Variants in MAD1L1 observed in about 807,000 individuals in gnomAD.
MAD1L1 encodes mitotic arrest deficient 1 like 1.
MAD1L1 carries 95 observed loss-of-function variants against 96.9 expected under a neutral mutation model. The ratio of observed to expected loss-of-function variants is 0.98; its 90% CI spans 0.83 to 1.16. The LOEUF (loss-of-function observed/expected upper bound fraction) is 1.16. Ranked by LOEUF, MAD1L1 falls within the 50% of genes most tolerant of loss-of-function variation. The probability of loss-of-function intolerance (pLI) is 0.00; values close to 1 mark genes in which losing one functional copy is unlikely to be tolerated. For synonymous variants in MAD1L1, 473 were observed against 396.6 expected (o/e 1.19, Z -2.29); for missense variants, 1,007 against 954.4 (o/e 1.06, Z -0.73).
chr7:1,859,222 C>T (rs1399382576), intron 18 of MAD1L1, among the ~76,000 whole-genome samples: 1 of 152,190 alleles, frequency 6.6e-6, no homozygotes, highest in East Asian at 1.9e-4. Flanking sequence ...AGAGCCACTT[C>T]CCAGAACGCT....
chr7:2,069,185 A>G lies in MAD1L1; in HGVS notation c.1218+9T>C. On this transcript the variant is annotated intron_variant, in intron 12 of 18. Transcript: ENST00000265854. ...GCGACTCTGATCAAGATGTAAGGGCATACATCACCTTGGTGAGCAGCAGGA... is the reference window on the plus strand; with the variant it reads ...GCGACTCTGATCAAGATGTAAGGGCGTACATCACCTTGGTGAGCAGCAGGA... 6.3e-7 allele frequency: 1 copy of G among 1,581,048 alleles called. No homozygotes were observed. Among genetic ancestry groups the G allele is most frequent in the Non-Finnish European group, 8.6e-7 (1 of 1,164,332 alleles).
chr7:2,051,073 A>T (rs974269166), intron 12 of MAD1L1, among the ~76,000 whole-genome samples: 4 of 152,226 alleles, frequency 2.6e-5, no homozygotes, highest in Non-Finnish European at 5.9e-5. Flanking sequence ...TCTCTACCAA[A>T]CAGGATAGGG....
intron 11 of MAD1L1, among the ~76,000 whole-genome samples, chr7:2,115,546 A>C (rs552536982): frequency 1.3e-5 from 2 of 148,256 alleles, no homozygotes; most frequent in African/African-American, 5.0e-5. Flanking sequence ...GGGTCAGAGG[A>C]GGCGCTGGAC....
At chr7:1,927,563 A>T (rs1789161721) in intron 17 of MAD1L1, among the ~76,000 whole-genome samples, 1 of 152,220 alleles carries the variant, frequency 6.6e-6, no homozygotes, top group Admixed American at 6.5e-5. Context: ...TTTTGGACAA[A>T]GGTGCAAACA....
chr7:1,878,170 G>T (rs4639400), intron 18 of MAD1L1, among the ~76,000 whole-genome samples: 102,818 of 151,852 alleles, frequency 0.68, 35,157 homozygotes, highest in African/African-American at 0.78. Context: ...TAAATTAAAT[G>T]CATAATTTAA....
intron 18 of MAD1L1, among the ~76,000 whole-genome samples, chr7:1,897,332 A>C (rs567666648): frequency 6.6e-6 from 1 of 152,360 alleles, no homozygotes; most frequent in South Asian, 2.1e-4. Flanking sequence ...AGACCACAGC[A>C]GTCCCAGGTG....
intron 12 of MAD1L1, among the ~76,000 whole-genome samples, chr7:2,061,746 T>A (rs545501127): frequency 6.6e-6 from 1 of 152,252 alleles, no homozygotes; most frequent in Non-Finnish European, 1.5e-5. Context: ...ACCCCCATGC[T>A]GGAAACCATC....
intron 14 of MAD1L1, among the ~76,000 whole-genome samples, chr7:1,993,397 C>T (rs529815428): frequency 6.6e-6 from 1 of 152,366 alleles, no homozygotes; most frequent in South Asian, 2.1e-4. Flanking sequence ...CCTTGGCAAG[C>T]TCCCTCTAAA....
intron 14 of MAD1L1, among the ~76,000 whole-genome samples, chr7:1,980,969 T>G (rs1197791434): frequency 1.3e-5 from 2 of 152,108 alleles, no homozygotes; most frequent in Non-Finnish European, 2.9e-5. Flanking sequence ...GAGCCTGGAT[T>G]CTGTTTTTCT....
chr7:2,125,457 C>T (rs140634642), intron 11 of MAD1L1, among the ~76,000 whole-genome samples: 31 of 152,298 alleles, frequency 2.0e-4, no homozygotes, highest in Admixed American at 2.6e-4. Flanking sequence ...GCCTGGTGAG[C>T]GAGCTCCACC....
chr7:1,989,581 G>A (rs971736836), intron 14 of MAD1L1, among the ~76,000 whole-genome samples: 2 of 152,228 alleles, frequency 1.3e-5, no homozygotes, highest in Admixed American at 6.5e-5. Context: ...AACAGGTGTG[G>A]GGACCCTGGG....
intron 12 of MAD1L1, among the ~76,000 whole-genome samples, chr7:2,028,695 C>G (rs62444886): frequency 6.6e-6 from 1 of 152,038 alleles, no homozygotes; most frequent in Admixed American, 6.5e-5. Context: ...GGAATTGAAA[C>G]TTGTGGTTTT....
In MAD1L1 at chr7:2,228,335, T is replaced by C. The variant is rs185443107; in HGVS notation, c.150+1649A>G. Among the ~76,000 whole-genome samples the C allele has an allele frequency of 3.0e-3, 459 of 151,996 alleles. 1 individual carries two copies. The highest frequency in any genetic ancestry group is 6.8e-3 in the Middle Eastern group (2 of 292). ...GGAGTGCAGTGGCGCGATGGCTCAC[T>C]GCAACCTCCGCCTCCCAGGTTCAAG... On this transcript the variant is annotated intron_variant, in intron 3 of 18. Coordinates refer to ENST00000265854, the MANE Select transcript of MAD1L1 (RefSeq NM_001013836.2).
chr7:2,211,628 GA>G (rs1437790431), intron 10 of MAD1L1, among the ~76,000 whole-genome samples: 1 of 152,210 alleles, frequency 6.6e-6, no homozygotes, highest in African/African-American at 2.4e-5. Flanking sequence ...AGAACAGACA[GA>G]AGCACAAAGC....
chr7:2,137,696 C>A (rs935454340), intron 11 of MAD1L1, among the ~76,000 whole-genome samples: 1 of 152,160 alleles, frequency 6.6e-6, no homozygotes, highest in Non-Finnish European at 1.5e-5. Context: ...CCCATGGTCC[C>A]GGGTCACCTC....
chr7:2,096,767 C>A (rs901709674), intron 11 of MAD1L1, among the ~76,000 whole-genome samples: 3 of 152,100 alleles, frequency 2.0e-5, no homozygotes, highest in Non-Finnish European at 4.4e-5. Flanking sequence ...AGGGAGGGGG[C>A]AGGCTGCAGC....
At chr7:1,880,796 A>T (rs910343561) in intron 18 of MAD1L1, among the ~76,000 whole-genome samples, 6 of 152,214 alleles carry the variant, frequency 3.9e-5, no homozygotes, top group Non-Finnish European at 5.9e-5. Flanking sequence ...CTCACTGCTG[A>T]TGGGGAGCCT....
intron 18 of MAD1L1, chr7:1,838,988 T>A (rs1189602052): frequency 2.7e-6 from 1 of 366,464 alleles, no homozygotes; most frequent in African/African-American, 2.1e-5. Context: ...ACCCCAGATT[T>A]GAGGCAGCCA....
At chr7:1,823,426 C>G (rs888414248) in intron 18 of MAD1L1, among the ~76,000 whole-genome samples, 46 of 152,128 alleles carry the variant, frequency 3.0e-4, no homozygotes, top group African/African-American at 1.1e-3. Flanking sequence ...GGAAATTGCA[C>G]AGTGGAAGAG....
Sources: allele counts gnomAD v4.1 joint callset (sites outside exome capture counted in the v4.1 genomes callset), GRCh38; gene constraint gnomAD v4.1.1; transcripts MANE v1.5; gene names NCBI Gene and HGNC (gene_info 2026-07-23, HGNC 2026-07-21).